CANT1: variants seen among roughly 807,000 people sequenced by gnomAD.
CANT1 encodes calcium activated nucleotidase 1.
In CANT1, 26 loss-of-function variants were observed where a neutral mutation model predicts 30.0. That is an observed-to-expected ratio of 0.87 (90% CI 0.64 to 1.20). The LOEUF (loss-of-function observed/expected upper bound fraction) is 1.20, where lower values mean the gene tolerates loss of function less well. CANT1 is among the 50% of genes most tolerant of loss of function. The pLI is 0.00. For missense variants in CANT1, 518 were observed against 563.0 expected (o/e 0.92, Z 0.81); for synonymous variants, 246 against 251.8 (o/e 0.98, Z 0.22).
chr17:78,994,328 T>G (rs534503454), intron 4 of CANT1, among the ~76,000 whole-genome samples: 1 of 152,268 alleles, frequency 6.6e-6, no homozygotes, highest in South Asian at 2.1e-4. Flanking sequence ...AGGCACAGAC[T>G]CAGTCACTTC....
chr17:78,996,895 G>T lies in CANT1; in HGVS notation c.631+97C>A. ...TCCCTCACCACATCCCTGGCTTCTAGGTGTGTGAATTCTTTACCATGTGCC... is the reference window on the plus strand; with the variant it reads ...TCCCTCACCACATCCCTGGCTTCTATGTGTGTGAATTCTTTACCATGTGCC... On this transcript the variant is annotated intron_variant, in intron 3 of 4. Transcript: ENST00000392446. This position sits in a 1 kb window ranked among gnomAD's most constrained non-coding sequence, Gnocchi z 5.1. 6.5e-7 allele frequency: 1 copy of T among 1,530,752 alleles called. No individual in the cohort carries two copies. The highest frequency in any genetic ancestry group is 9.0e-7 in the Non-Finnish European group (1 of 1,115,624). 94.8% of individuals were successfully genotyped at this position (1,530,752 alleles called of 1,614,324 possible).
chr17:78,994,903 G>T, intron 4 of CANT1, 115 bp downstream of exon 4: 1 of 1,119,264 alleles, frequency 8.9e-7, no homozygotes. Context: ...CGGGGTGACA[G>T]AGCAAGACTA....
chr17:79,009,111 A>G (rs1217100986), intron 1 of CANT1, among the ~76,000 whole-genome samples: 1 of 151,758 alleles, frequency 6.6e-6, no homozygotes, highest in African/African-American at 2.4e-5. Context: ...GTCCCACACT[A>G]ATCAGAGGGG....
rs910919111 is a variant in CANT1 at position 78,992,935 on chromosome 17, C to T, written c.*615G>A. On this transcript the variant is annotated 3_prime_UTR_variant, in exon 5 of 5. Transcript: ENST00000392446. ...GAAAGCGGTCACTGGCCATATGATG[C>T]GGAGATGGTTTTATCTGAGGCCTGA... 22 of 358,070 alleles carry T rather than the reference C, an allele frequency of 6.1e-5. No individual in the cohort carries two copies. Among genetic ancestry groups the T allele is most frequent in the East Asian group, 4.9e-4 (11 of 22,280 alleles). The allele number at this position is 358,070 out of a possible 1,614,324, so 22.2% of individuals were successfully genotyped here. A position where few individuals can be genotyped will look rare whatever the true frequency, so the allele number is the denominator to read the frequency against.
Position 78,992,553 on chromosome 17 carries a change from C to A in CANT1, c.*997G>T. On this transcript the variant is annotated 3_prime_UTR_variant, in exon 5 of 5. Coordinates refer to ENST00000392446, the MANE Select transcript of CANT1 (RefSeq NM_001159773.2). Reference sequence around the variant, plus strand: ...AGAAATAAAGGCCATGGAAAGAAACCCCAGGGAAGAGACAGGCCTCGTTCA... The same window carrying A: ...AGAAATAAAGGCCATGGAAAGAAACACCAGGGAAGAGACAGGCCTCGTTCA... 2 of 385,804 alleles carry A rather than the reference C, an allele frequency of 5.2e-6. No homozygotes were observed. The highest frequency in any genetic ancestry group is 2.5e-5 in the South Asian group (1 of 40,058). The allele number at this position is 385,804 out of a possible 1,614,324, so 23.9% of individuals were successfully genotyped here. A position where few individuals can be genotyped will look rare whatever the true frequency, so the allele number is the denominator to read the frequency against.
At chr17:79,007,902 G>T (rs906019979) in intron 1 of CANT1, among the ~76,000 whole-genome samples, 1 of 152,194 alleles carries the variant, frequency 6.6e-6, no homozygotes, top group African/African-American at 2.4e-5. Flanking sequence ...GGGTCCAGGG[G>T]TCCTATCCCG....
rs1277018466 is a variant in CANT1 at position 78,997,252 on chromosome 17, G to A, written c.371C>T (p.Thr124Ile). 6.2e-7 allele frequency: 1 copy of A among 1,614,202 alleles called. No homozygotes were observed. Among genetic ancestry groups the A allele is most frequent in the Admixed American group, 1.7e-5 (1 of 60,020 alleles). ...DTESRAQEEN[T>I]WFSYLKKGYL... ...GCCCTTTTTCAGGTAACTGAACCAG[G>A]TGTTTTCCTCTTGGGCCCTTGACTC... Residue 124 changes from threonine (T) to isoleucine (I), a missense_variant, in exon 3 of 5, where the codon ACC becomes ATC. Thr to Ile is a moderately conservative substitution (Grantham distance 89). Coordinates refer to ENST00000392446, the MANE Select transcript of CANT1 (RefSeq NM_001159773.2). This position sits in a 1 kb window ranked among gnomAD's most constrained non-coding sequence, Gnocchi z 7.5.
rs571095145 is a variant in CANT1, at chr17:78,993,485, G to T, written c.*65C>A. On this transcript the variant is annotated 3_prime_UTR_variant, in exon 5 of 5. Transcript: ENST00000392446. The surrounding 1 kb of genome is among the most constrained non-coding windows in gnomAD (Gnocchi z 4.5). Reference sequence around the variant, plus strand: ...CCAAAAAGAACAAAACAAAACAAAAGTGCACTCCTCTTGTTTTTATAAAAG... The same window carrying T: ...CCAAAAAGAACAAAACAAAACAAAATTGCACTCCTCTTGTTTTTATAAAAG... The T allele has an allele frequency of 8.1e-6, 13 of 1,609,648 alleles. No individual in the cohort carries two copies. Among genetic ancestry groups the T allele is most frequent in the Non-Finnish European group, 1.1e-5 (13 of 1,177,178 alleles).
rs1439994919 is a variant in CANT1, at chr17:78,996,578, TG to T, written c.631+413del. On this transcript the variant is annotated intron_variant, in intron 3 of 4. Coordinates refer to ENST00000392446, the MANE Select transcript of CANT1 (RefSeq NM_001159773.2). This position sits in a 1 kb window ranked among gnomAD's most constrained non-coding sequence, Gnocchi z 5.1. Reference sequence around the variant, plus strand: ...CCTTCAGTAACATGAAACCAAAGTCTGGGTTTTGAGTGAGAACCATCTGTCC... The same window carrying T: ...CCTTCAGTAACATGAAACCAAAGTCTGGTTTTGAGTGAGAACCATCTGTCC... 2.0e-5 allele frequency among the ~76,000 whole-genome samples: 3 copies of T among 152,152 alleles called. No homozygotes were observed. Among genetic ancestry groups the T allele is most frequent in the African/African-American group, 7.2e-5 (3 of 41,430 alleles).
rs2071036166 is a variant in CANT1, at chr17:78,996,435, C to G, written c.631+557G>C. Among the ~76,000 whole-genome samples, 1 of 152,184 alleles carries G rather than the reference C, an allele frequency of 6.6e-6. No individual in the cohort carries two copies. Among genetic ancestry groups the G allele is most frequent in the South Asian group, 2.1e-4 (1 of 4,832 alleles). ...TGTCCCTGCCCTGTGGAAGCAGCAC[C>G]TCCTTTCTGGTGAACAAAAAGGCTG... On this transcript the variant is annotated intron_variant, in intron 3 of 4. Coordinates refer to ENST00000392446, the MANE Select transcript of CANT1 (RefSeq NM_001159773.2). This position sits in a 1 kb window ranked among gnomAD's most constrained non-coding sequence, Gnocchi z 5.1.
At position 78,998,850 on chromosome 17, in the gene CANT1, G is replaced by C. The variant is rs578088772; in HGVS notation, c.-146-887C>G. Among the ~76,000 whole-genome samples the C allele has an allele frequency of 8.5e-5, 13 of 152,214 alleles. No homozygotes were observed. The highest frequency in any genetic ancestry group is 2.9e-4 in the African/African-American group (12 of 41,454). ...AATCCCGGCCTGAGAAGCTTCCCTGGCTGGGTCCTCCTTGAGAAAACAACA... is the reference window on the plus strand; with the variant it reads ...AATCCCGGCCTGAGAAGCTTCCCTGCCTGGGTCCTCCTTGAGAAAACAACA... On this transcript the variant is annotated intron_variant, in intron 1 of 4. Coordinates refer to ENST00000392446, the MANE Select transcript of CANT1 (RefSeq NM_001159773.2). This position sits in a 1 kb window ranked among gnomAD's most constrained non-coding sequence, Gnocchi z 4.5.
chr17:78,999,707 G>T (rs2071184144), intron 1 of CANT1, among the ~76,000 whole-genome samples: 1 of 143,082 alleles, frequency 7.0e-6, no homozygotes, highest in African/African-American at 2.6e-5. Context: ...AGGCTGGAGT[G>T]CAATGGCACG....
At chr17:79,000,712 T>C (rs374948534) in intron 1 of CANT1, among the ~76,000 whole-genome samples, 1 of 152,158 alleles carries the variant, frequency 6.6e-6, no homozygotes, top group Admixed American at 6.5e-5. Context: ...GAGCCTGCAG[T>C]TCCCCCTGCC....
At chr17:78,994,540 ACAGCTCATTTG>A (rs1283494931) in intron 4 of CANT1, among the ~76,000 whole-genome samples, 1 of 152,174 alleles carries the variant, frequency 6.6e-6, no homozygotes, top group Non-Finnish European at 1.5e-5. Context: ...GAAAGAGAAA[ACAGCTCATTTG>A]CCGCCAGAAT....
intron 1 of CANT1, among the ~76,000 whole-genome samples, chr17:79,001,234 C>G (rs1217338711): frequency 6.6e-6 from 1 of 152,176 alleles, no homozygotes; most frequent in Non-Finnish European, 1.5e-5. Context: ...ACTCCCTCAG[C>G]ACTCCGGAGA....
Position 78,995,025 on chromosome 17 carries a change from C to G in CANT1, c.828G>C (p.Gln276His), listed in dbSNP as rs902482658. The change falls in exon 4 of 5, where the codon CAG becomes CAC. Residue 276 changes from glutamine (Q) to histidine (H), a missense_variant. Gln to His is a conservative substitution (Grantham distance 24). Around this residue, in one of 3 missense-constraint regions of CANT1, gnomAD observed 221 missense variants for 211.8 expected, o/e 1.04. Coordinates refer to ENST00000392446, the MANE Select transcript of CANT1 (RefSeq NM_001159773.2). This position sits in a 1 kb window ranked among gnomAD's most constrained non-coding sequence, Gnocchi z 5.7. Reference protein sequence around the residue: ...YNALRAAAGIQPPGYLIHESA... With the variant: ...YNALRAAAGIHPPGYLIHESA... Reference sequence around the variant, plus strand: ...GGGGCAGGCGTCTCTTACCTGGCGGCTGGATGCCGGCAGCAGCCCGCAGGG... The same window carrying G: ...GGGGCAGGCGTCTCTTACCTGGCGGGTGGATGCCGGCAGCAGCCCGCAGGG... 1 of 1,571,914 alleles carries G rather than the reference C, an allele frequency of 6.4e-7. No individual in the cohort carries two copies. The highest frequency in any genetic ancestry group is 8.6e-7 in the Non-Finnish European group (1 of 1,159,188).
rs189807984 is a variant in CANT1, at chr17:78,996,812, G to T, written c.631+180C>A. 4 of 837,242 alleles carry T rather than the reference G, an allele frequency of 4.8e-6. No homozygotes were observed. The highest frequency in any genetic ancestry group is 1.7e-5 in the Admixed American group (1 of 58,406). The allele number at this position is 837,242 out of a possible 1,614,324, so 51.9% of individuals were successfully genotyped here. A position where few individuals can be genotyped will look rare whatever the true frequency, so the allele number is the denominator to read the frequency against. The stretch of plus-strand genomic sequence containing the variant: ...AACTGCTCAGTGTGAAGTGACAGTA[G>T]GCTATGCTCCTGGCTAAGGGTAAGG... On this transcript the variant is annotated intron_variant, in intron 3 of 4. Coordinates refer to ENST00000392446, the MANE Select transcript of CANT1 (RefSeq NM_001159773.2). This position sits in a 1 kb window ranked among gnomAD's most constrained non-coding sequence, Gnocchi z 5.1.
rs1482028788 is a variant in CANT1, at chr17:78,997,194, C to T, written c.429G>A (p.Val143=). The change falls in exon 3 of 5, where the codon GTG becomes GTA. Residue 143 remains valine (V), a synonymous_variant. Coordinates refer to ENST00000392446, the MANE Select transcript of CANT1 (RefSeq NM_001159773.2). This position sits in a 1 kb window ranked among gnomAD's most constrained non-coding sequence, Gnocchi z 7.5. ...YLTLSDSGDK[V]AVEWDKDHGV... is the part of the protein sequence containing the mutation. Reference sequence around the variant, plus strand: ...CATGGTCTTTGTCCCATTCCACGGCCACCTTGTCCCCACTGTCTGACAGGG... The same window carrying T: ...CATGGTCTTTGTCCCATTCCACGGCTACCTTGTCCCCACTGTCTGACAGGG... 10 of 1,614,084 alleles carry T rather than the reference C, an allele frequency of 6.2e-6. No homozygotes were observed. Among genetic ancestry groups the T allele is most frequent in the Middle Eastern group, 1.6e-4 (1 of 6,084 alleles).
At chr17:79,007,648 G>A (rs1442761130) in intron 1 of CANT1, among the ~76,000 whole-genome samples, 2 of 152,216 alleles carry the variant, frequency 1.3e-5, no homozygotes, top group Non-Finnish European at 2.9e-5. Context: ...ACAGGGCCAG[G>A]AGAACTGCTG....
Sources: allele counts gnomAD v4.1 joint callset (sites outside exome capture counted in the v4.1 genomes callset), GRCh38; gene constraint gnomAD v4.1.1; regional missense constraint gnomAD v4.1.1; non-coding constraint Gnocchi (gnomAD v3.1); transcripts MANE v1.5; gene names NCBI Gene and HGNC (gene_info 2026-07-23, HGNC 2026-07-21).